Variants in RPRD1B observed in about 807,000 individuals in gnomAD.
RPRD1B encodes regulation of nuclear pre-mRNA domain containing 1B, also known as regulation of nuclear pre-mRNA domain-containing protein 1B.
Under a neutral mutation model 41.5 loss-of-function variants are expected in RPRD1B, and 11 were observed. The ratio of observed to expected loss-of-function variants is 0.27; its 90% CI spans 0.17 to 0.44. RPRD1B has a LOEUF of 0.44. Among genes scored for constraint, RPRD1B ranks in the 20% least tolerant of loss-of-function variants. RPRD1B has a pLI of 1.00. For missense variants in RPRD1B, 248 were observed against 389.9 expected (o/e 0.64, Z 3.06); for synonymous variants, 158 against 155.6 (o/e 1.02, Z -0.12).
intron 3 of RPRD1B, 149 bp downstream of exon 3, chr20:38,048,630 T>G: frequency 7.1e-7 from 1 of 1,416,446 alleles, no homozygotes; most frequent in South Asian, 1.6e-5. Flanking sequence ...TGAGAATTTA[T>G]GTAGTGCTCA....
intron 2 of RPRD1B, among the ~76,000 whole-genome samples, chr20:38,045,668 A>G (rs1365145485): frequency 6.6e-6 from 1 of 152,180 alleles, no homozygotes; most frequent in Non-Finnish European, 1.5e-5. Flanking sequence ...ATCTCCAGGA[A>G]TGGTGGGTGG....
chr20:38,060,074 A>G (rs2074282669), intron 5 of RPRD1B, among the ~76,000 whole-genome samples: 1 of 152,232 alleles, frequency 6.6e-6, no homozygotes, highest in Non-Finnish European at 1.5e-5. Flanking sequence ...GGAAGGAATG[A>G]AGCATGAACT....
intron 6 of RPRD1B, among the ~76,000 whole-genome samples, chr20:38,079,594 A>G (rs1317509371): frequency 6.6e-6 from 1 of 152,086 alleles, no homozygotes; most frequent in East Asian, 1.9e-4. Flanking sequence ...CATGGTATAT[A>G]TGTACTCATT....
At chr20:38,042,583 C>CGTT (rs2074077501) in intron 2 of RPRD1B, among the ~76,000 whole-genome samples, 1 of 131,602 alleles carries the variant, frequency 7.6e-6, no homozygotes, top group South Asian at 2.4e-4. Context: ...TTTCTGTTTG[C>CGTT]ATTCTGGTTC....
Position 38,091,025 on chromosome 20 carries a change from TATC to T in RPRD1B, c.*1153_*1155del, listed in dbSNP as rs1325412647. ...TATTAATTGGGGGTTTTAATTCTAT[TATC>T]ATGTCAGCTGACATTATGACTATAT... On this transcript the variant is annotated 3_prime_UTR_variant, in exon 7 of 7. Transcript: ENST00000373433. 2.9e-5 allele frequency: 29 copies of T among 985,664 alleles called. No individual in the cohort carries two copies. Among genetic ancestry groups the T allele is most frequent in the South Asian group, 9.4e-5 (2 of 21,290 alleles). 61.1% of individuals were successfully genotyped at this position (985,664 alleles called of 1,614,324 possible).
At chr20:38,041,589 C>T (rs1201045112) in intron 2 of RPRD1B, among the ~76,000 whole-genome samples, 1 of 152,130 alleles carries the variant, frequency 6.6e-6, no homozygotes, top group Non-Finnish European at 1.5e-5. Context: ...ATCTTCATAA[C>T]AGAGTAAGCT....
In RPRD1B at chr20:38,070,617, ATGTTC is replaced by A. The variant is rs1473585106; in HGVS notation, c.831+4366_831+4370del. Reference sequence around the variant, plus strand: ...AGCGTGAATAAAGCATGATACAGACATGTTCTGTTAGCATGATCAGTGCATGTGGA... The same window carrying A: ...AGCGTGAATAAAGCATGATACAGACATGTTAGCATGATCAGTGCATGTGGA... On this transcript the variant is annotated intron_variant, in intron 6 of 6. Transcript: ENST00000373433. 3.0e-6 allele frequency: 3 copies of A among 985,460 alleles called. 1 individual carries two copies. 61.0% of individuals were successfully genotyped at this position (985,460 alleles called of 1,614,324 possible).
In RPRD1B at chr20:38,063,899, T is replaced by A. The variant is rs78033706; in HGVS notation, c.656-2182T>A. Among the ~76,000 whole-genome samples the A allele has an allele frequency of 3.9e-4, 60 of 152,376 alleles. No homozygotes were observed. In the East Asian group the frequency reaches 0.011, roughly 27 times the overall value. ...ACTAAACTATTATAAGTTACTTTTC[T>A]GGGTTGTAATTATTTGTGTAAATGA... On this transcript the variant is annotated intron_variant, in intron 5 of 6. Coordinates refer to ENST00000373433, the MANE Select transcript of RPRD1B (RefSeq NM_021215.4).
At chr20:38,064,097 G>C (rs2074328363) in intron 5 of RPRD1B, among the ~76,000 whole-genome samples, 1 of 152,140 alleles carries the variant, frequency 6.6e-6, no homozygotes, top group South Asian at 2.1e-4. Flanking sequence ...ACCACCCCAG[G>C]AGCTTGCTCA....
At chr20:38,040,648 G>A in intron 2 of RPRD1B, 84 bp downstream of exon 2, 2 of 1,430,224 alleles carry the variant, frequency 1.4e-6, no homozygotes, top group Non-Finnish European at 1.9e-6. Flanking sequence ...GATAGCCTTT[G>A]TAAATTGACA....
At chr20:38,045,947 A>G (rs1426447274) in intron 2 of RPRD1B, among the ~76,000 whole-genome samples, 1 of 152,220 alleles carries the variant, frequency 6.6e-6, no homozygotes, top group Non-Finnish European at 1.5e-5. Flanking sequence ...TATGGCATTC[A>G]GGGCTCGCTG....
chr20:38,066,983 A>G (rs893138083), intron 6 of RPRD1B, among the ~76,000 whole-genome samples: 1 of 152,144 alleles, frequency 6.6e-6, no homozygotes, highest in African/African-American at 2.4e-5. Flanking sequence ...GACTTTATCC[A>G]TGCTGCGGCC....
intron 3 of RPRD1B, among the ~76,000 whole-genome samples, chr20:38,056,651 C>T (rs908344471): frequency 3.3e-5 from 5 of 152,110 alleles, no homozygotes; most frequent in Non-Finnish European, 5.9e-5. Flanking sequence ...GGAGTCATAC[C>T]GTAAGTGTGT....
intron 1 of RPRD1B, among the ~76,000 whole-genome samples, chr20:38,036,056 G>A (rs532320513): frequency 1.3e-4 from 20 of 152,146 alleles, no homozygotes; most frequent in East Asian, 5.8e-4. Flanking sequence ...GAGCCACCAC[G>A]CCTGGCCAAG....
intron 3 of RPRD1B, among the ~76,000 whole-genome samples, chr20:38,049,590 G>A (rs2074161910): frequency 6.6e-6 from 1 of 150,644 alleles, no homozygotes; most frequent in South Asian, 2.1e-4. Context: ...GGCTGGTCTT[G>A]AACTCCTGAC....
At position 38,033,808 on chromosome 20, in the gene RPRD1B, C is replaced by T; in HGVS notation, c.-140C>T. 2 of 812,626 alleles carry T rather than the reference C, an allele frequency of 2.5e-6. No individual in the cohort carries two copies. Among genetic ancestry groups the T allele is most frequent in the East Asian group, 2.8e-5 (1 of 35,092 alleles). The allele number at this position is 812,626 out of a possible 1,614,324, so 50.3% of individuals were successfully genotyped here. ...GTTACTGCGGAGACCCATCCCCTCC[C>T]CCTTCTCGCACCCCTGGCAGTCTGT... On this transcript the variant is annotated 5_prime_UTR_variant, in exon 1 of 7. Coordinates refer to ENST00000373433, the MANE Select transcript of RPRD1B (RefSeq NM_021215.4).
At chr20:38,047,433 T>C (rs6022616) in intron 2 of RPRD1B, among the ~76,000 whole-genome samples, 36,917 of 151,998 alleles carry the variant, frequency 0.24, 5,615 homozygotes, top group African/African-American at 0.44. Context: ...GAAGTTCCTA[T>C]TAAAAGCCAT....
At chr20:38,086,919 G>A (rs1306381409) in intron 6 of RPRD1B, among the ~76,000 whole-genome samples, 2 of 152,022 alleles carry the variant, frequency 1.3e-5, no homozygotes, top group East Asian at 3.9e-4. Flanking sequence ...CTTCCAAACA[G>A]AAACAACTGT....
intron 5 of RPRD1B, among the ~76,000 whole-genome samples, chr20:38,064,826 A>G (rs112752863): frequency 0.21 from 31,378 of 152,030 alleles, 3,593 homozygotes; most frequent in African/African-American, 0.32. Flanking sequence ...TCTACTAAAA[A>G]TACAAAAAAA....
Sources: allele counts gnomAD v4.1 joint callset (sites outside exome capture counted in the v4.1 genomes callset), GRCh38; gene constraint gnomAD v4.1.1; transcripts MANE v1.5; gene names NCBI Gene and HGNC (gene_info 2026-07-23, HGNC 2026-07-21).